Variants in CENATAC observed in about 807,000 individuals in gnomAD.
CENATAC encodes centrosomal AT-AC splicing factor.
A neutral mutation model predicts 53.7 loss-of-function variants in CENATAC; 53 were observed. The ratio of observed to expected loss-of-function variants is 0.99; its 90% confidence interval spans 0.79 to 1.24. CENATAC has a LOEUF of 1.24. CENATAC is among the 50% of genes most tolerant of loss of function. The probability of loss-of-function intolerance (pLI) is 0.00; values close to 1 mark genes in which losing one functional copy is unlikely to be tolerated. For synonymous variants in CENATAC, 156 were observed against 144.6 expected, an observed-to-expected ratio of 1.08 and a Z score of -0.57; for missense variants, 474 against 417.8, an observed-to-expected ratio of 1.13 and a Z score of -1.17.
Position 119,015,081 on chromosome 11 carries a change from AAAGT to A in CENATAC, c.805+5_805+8del, listed in dbSNP as rs782607504. ...CCATCCTATGAAGAATTTCTTAAAG[AAAGT>A]AAGTAAACTAATTCAAGAGAGGATC... On this transcript the variant is annotated splice_donor_variant and coding_sequence_variant, in exon 9 of 11. Transcript: ENST00000334418. LOFTEE classifies it high-confidence loss of function. The A allele has an allele frequency of 4.4e-6, 7 of 1,601,482 alleles. No homozygotes were observed. Among genetic ancestry groups the A allele is most frequent in the East Asian group, 2.2e-5 (1 of 44,798 alleles).
chr11:119,012,627 T>G (rs1942924085), intron 7 of CENATAC: 1 of 187,286 alleles, frequency 5.3e-6, no homozygotes, highest in African/African-American at 2.4e-5. Context: ...CGGTCAATTT[T>G]AACCTGTCTG....
intron 7 of CENATAC, chr11:119,012,474 C>A (rs1355737369): frequency 8.1e-6 from 4 of 494,674 alleles, no homozygotes; most frequent in Admixed American, 3.3e-5. Flanking sequence ...CTAAATCTTG[C>A]CCTCTGTAGA....
chr11:119,015,036 C>T lies in CENATAC; in HGVS notation c.758C>T (p.Ala253Val). The T allele has an allele frequency of 6.2e-7, 1 of 1,610,252 alleles. No homozygotes were observed. Among genetic ancestry groups the T allele is most frequent in the South Asian group, 1.1e-5 (1 of 90,732 alleles). ...PWMIQDEEYI[A>V]GNQEIGPSYE... ...ATGATCCAAGATGAAGAATACATTG[C>T]TGGGAACCAAGAAATAGGACCATCC... Residue 253 changes from alanine to valine, a missense_variant, in exon 9 of 11, where the codon GCT becomes GTT. Physicochemically the swap from Ala to Val is moderately conservative, Grantham distance 64. Transcript: ENST00000334418.
intron 3 of CENATAC, among the ~76,000 whole-genome samples, chr11:118,999,649 TTTTTTC>T (rs368883695): frequency 0.013 from 1,920 of 152,060 alleles, 36 homozygotes; most frequent in African/African-American, 0.043. Flanking sequence ...GTTTTTTTCT[TTTTTTC>T]TTTTTCTTTT....
chr11:119,013,057 T>TA, intron 7 of CENATAC, 175 bp from the exon 8 acceptor site: 1 of 559,800 alleles, frequency 1.8e-6, no homozygotes, highest in Middle Eastern at 3.4e-4. Flanking sequence ...AGGGTTGTCT[T>TA]AGAGTGACTT....
intron 7 of CENATAC, 130 bp downstream of exon 7, chr11:119,012,384 C>A: frequency 1.0e-6 from 1 of 982,196 alleles, no homozygotes; most frequent in East Asian, 2.7e-5. Context: ...CTTCACTGTT[C>A]CCTAGTAGTG....
rs140686569 is a variant in CENATAC, at chr11:118,999,991, G to A, written c.383+882G>A. Among the ~76,000 whole-genome samples, 76 of 152,232 alleles carry A rather than the reference G, an allele frequency of 5.0e-4. 1 individual carries two copies. The highest frequency in any genetic ancestry group is 4.3e-4 in the Non-Finnish European group (29 of 68,018). ...GGGATTTCACCATGTTGGCCAAGTT[G>A]GTCACTAACTCCTGACTTGAGGTGA... On this transcript the variant is annotated intron_variant, in intron 3 of 10. Coordinates refer to ENST00000334418, the MANE Select transcript of CENATAC (RefSeq NM_198489.3).
chr11:118,998,954 T>C, intron 2 of CENATAC, 57 bp from the exon 3 acceptor site: 5 of 1,349,466 alleles, frequency 3.7e-6, no homozygotes, highest in Non-Finnish European at 5.3e-6. Context: ...TAATGCTTAA[T>C]ATCTGAGTAA....
intron 5 of CENATAC, 47 bp from the exon 6 acceptor site, chr11:119,011,892 G>A (rs1278338057): frequency 6.4e-7 from 1 of 1,567,254 alleles, no homozygotes; most frequent in Admixed American, 1.7e-5. Flanking sequence ...GCCTAGGCAG[G>A]CTCTTAAGCA....
intron 3 of CENATAC, chr11:119,001,884 C>A: frequency 4.1e-6 from 1 of 244,558 alleles, no homozygotes; most frequent in Non-Finnish European, 8.5e-6. Context: ...TATCAAGACC[C>A]CATCTCTAAA....
intron 5 of CENATAC, 171 bp downstream of exon 5, chr11:119,011,454 A>G (rs1592073703): frequency 1.8e-6 from 1 of 548,300 alleles, no homozygotes. Context: ...GCTCACTGCA[A>G]CCTCCACCTC....
chr11:119,011,370 T>G (rs147134371), intron 5 of CENATAC, 87 bp downstream of exon 5: 658 of 1,213,024 alleles, frequency 5.4e-4, no homozygotes, highest in Middle Eastern at 4.6e-3. Flanking sequence ...GACTAGTGCT[T>G]CTTCTTCTTC....
rs986437273 is a variant in CENATAC, at chr11:119,011,128, GC to G, written c.451-91del. On this transcript the variant is annotated intron_variant, in intron 4 of 10. Coordinates refer to ENST00000334418, the MANE Select transcript of CENATAC (RefSeq NM_198489.3). ...AGGCCACAGACCAGTACTGGTCCAC[GC>G]CTGGGGGTGGAGGGCCCAAGTTAAA... 4 of 1,078,858 alleles carry G rather than the reference GC, an allele frequency of 3.7e-6. No homozygotes were observed. The African/African-American group carries it at 6.2e-5, about 17-fold the overall frequency. The allele number at this position is 1,078,858 out of a possible 1,614,324, so 66.8% of individuals were successfully genotyped here.
At position 118,998,567 on chromosome 11, in the gene CENATAC, CG is replaced by C. The variant is rs1258488092; in HGVS notation, c.264del (p.Leu89CysfsTer27). On this transcript the variant is annotated frameshift_variant, in exon 2 of 11. Coordinates refer to ENST00000334418, the MANE Select transcript of CENATAC (RefSeq NM_198489.3). LOFTEE classifies it high-confidence loss of function. ...LSHGNLTVLY[G>X]GLLEHLASPE... ...GCCATGGAAACCTGACGGTGCTGTACGGGGGGCTGCTGGAGCATCTGGCCAG... is the reference window on the plus strand; with the variant it reads ...GCCATGGAAACCTGACGGTGCTGTACGGGGGCTGCTGGAGCATCTGGCCAG... 11 of 1,574,050 alleles carry C rather than the reference CG, an allele frequency of 7.0e-6. No individual in the cohort carries two copies. Among genetic ancestry groups the C allele is most frequent in the Non-Finnish European group, 9.5e-6 (11 of 1,159,064 alleles).
Position 119,011,957 on chromosome 11 carries a change from C to T in CENATAC, c.532C>T (p.Pro178Ser). Residue 178 changes from proline to serine, a missense_variant, in exon 6 of 11, where the codon CCA becomes TCA. Physicochemically the swap from Pro to Ser is moderately conservative, Grantham distance 74. Coordinates refer to ENST00000334418, the MANE Select transcript of CENATAC (RefSeq NM_198489.3). ...AACTCAGCCTCAGGCAGTGCCAGAC[C>T]CAGAAGAGGGCTCTTCAGCACCTAG... is the stretch of plus-strand genomic sequence containing the variant. ...SVLEPQAVPDPEEGSSAPRSW... is the reference protein window; with the variant it reads ...SVLEPQAVPDSEEGSSAPRSW... 2.5e-6 allele frequency: 4 copies of T among 1,614,044 alleles called. No individual in the cohort carries two copies. The highest frequency in any genetic ancestry group is 3.4e-6 in the Non-Finnish European group (4 of 1,180,004).
intron 3 of CENATAC, chr11:118,999,380 G>A: frequency 3.0e-6 from 1 of 336,850 alleles, no homozygotes; most frequent in Non-Finnish European, 5.5e-6. Context: ...GAATACTAAC[G>A]TTAGAAGAGG....
At chr11:119,000,497 C>CT (rs1247574163) in intron 3 of CENATAC, among the ~76,000 whole-genome samples, 1 of 136,814 alleles carries the variant, frequency 7.3e-6, no homozygotes, top group African/African-American at 2.7e-5. Context: ...TTTTCTTTGC[C>CT]TTTAAAAAAA....
chr11:118,998,694 A>T, intron 2 of CENATAC, 101 bp downstream of exon 2: 1 of 1,391,876 alleles, frequency 7.2e-7, no homozygotes, highest in South Asian at 1.4e-5. Context: ...GATTTGATCA[A>T]GAAGGATGGA....
chr11:119,000,653 G>A lies in CENATAC; in HGVS notation c.383+1544G>A, dbSNP rs991708456. 3.9e-5 allele frequency among the ~76,000 whole-genome samples: 6 copies of A among 151,994 alleles called. 1 individual carries two copies. The highest frequency in any genetic ancestry group is 4.1e-4 in the South Asian group (2 of 4,828). The stretch of plus-strand genomic sequence containing the variant: ...TGCCTATAATCCCAGATACTCAGGA[G>A]GTTGAGACAGGAGAATCGCTTGAAC... On this transcript the variant is annotated intron_variant, in intron 3 of 10. Coordinates refer to ENST00000334418, the MANE Select transcript of CENATAC (RefSeq NM_198489.3).
Sources: allele counts gnomAD v4.1 joint callset (sites outside exome capture counted in the v4.1 genomes callset), GRCh38; gene constraint gnomAD v4.1.1; transcripts MANE v1.5; gene names NCBI Gene and HGNC (gene_info 2026-07-23, HGNC 2026-07-21).